Variants in SNX29 observed in about 807,000 individuals in gnomAD.
The protein encoded by SNX29 is sorting nexin-29.
Under a neutral mutation model 102.1 loss-of-function variants are expected in SNX29, and 78 were observed. That is an observed-to-expected ratio of 0.76 (90% CI 0.64 to 0.92). The LOEUF is 0.92. Among genes scored for constraint, SNX29 ranks in the 40% least tolerant of loss-of-function variants. The pLI, the probability that SNX29 is intolerant of heterozygous loss-of-function variation, is 0.00. For synonymous variants in SNX29, 580 were observed against 414.5 expected (o/e 1.40, Z -4.85); for missense variants, 1,280 against 1,061.7 (o/e 1.21, Z -2.86).
chr16:12,280,045 G>T (rs1208461076), intron 15 of SNX29, among the ~76,000 whole-genome samples: 4 of 152,186 alleles, frequency 2.6e-5, no homozygotes, highest in Non-Finnish European at 5.9e-5. Flanking sequence ...TAGGGGTGGG[G>T]TGGGGGTGTT....
intron 20 of SNX29, among the ~76,000 whole-genome samples, chr16:12,538,986 TAGAAC>T (rs1171686294): frequency 2.0e-5 from 3 of 152,154 alleles, no homozygotes; most frequent in Non-Finnish European, 2.9e-5. Flanking sequence ...AGGGAGAAGA[TAGAAC>T]AGACCAGTAA....
At chr16:12,566,076 C>T (rs1365507189) in intron 20 of SNX29, among the ~76,000 whole-genome samples, 2 of 152,224 alleles carry the variant, frequency 1.3e-5, no homozygotes, top group South Asian at 4.1e-4. Flanking sequence ...TCTCTAGGCA[C>T]TTGATCCCCA....
intron 20 of SNX29, among the ~76,000 whole-genome samples, chr16:12,555,913 T>G (rs907206239): frequency 1.3e-5 from 2 of 151,074 alleles, no homozygotes; most frequent in Admixed American, 6.6e-5. Flanking sequence ...CAAACCTTAT[T>G]TTTGCGTATG....
At chr16:12,439,009 T>A (rs2085671881) in intron 18 of SNX29, among the ~76,000 whole-genome samples, 1 of 152,194 alleles carries the variant, frequency 6.6e-6, no homozygotes, top group African/African-American at 2.4e-5. Flanking sequence ...ACCATTGTCT[T>A]CCATCGTGGT....
At chr16:12,081,009 A>T (rs1170800145) in intron 11 of SNX29, among the ~76,000 whole-genome samples, 1 of 152,206 alleles carries the variant, frequency 6.6e-6, no homozygotes, top group African/African-American at 2.4e-5. Flanking sequence ...GATGCACTTA[A>T]ACAAATTGAA....
At chr16:12,390,384 C>G (rs926707103) in intron 16 of SNX29, among the ~76,000 whole-genome samples, 4 of 152,128 alleles carry the variant, frequency 2.6e-5, no homozygotes, top group African/African-American at 9.7e-5. Flanking sequence ...GATGCCTCAT[C>G]CATCCCTGTC....
At chr16:12,368,632 T>G (rs2082572142) in intron 16 of SNX29, among the ~76,000 whole-genome samples, 1 of 152,226 alleles carries the variant, frequency 6.6e-6, no homozygotes, top group Admixed American at 6.5e-5. Flanking sequence ...GAGGTCCTGC[T>G]TGGATAATGC....
intron 13 of SNX29, among the ~76,000 whole-genome samples, chr16:12,147,530 G>C (rs2055114813): frequency 1.3e-5 from 2 of 152,194 alleles, no homozygotes. Context: ...GATACCAAAA[G>C]AGCCCAGGAA....
chr16:12,566,462 C>T (rs1013192669), intron 20 of SNX29, among the ~76,000 whole-genome samples: 2 of 152,220 alleles, frequency 1.3e-5, no homozygotes, highest in South Asian at 2.1e-4. Context: ...GGGCAGGGCT[C>T]ATCCTGGCTG....
Position 12,371,387 on chromosome 16 carries a change from C to G in SNX29, c.1899+15108C>G, listed in dbSNP as rs548342122. Among the ~76,000 whole-genome samples, 34 of 152,296 alleles carry G rather than the reference C, an allele frequency of 2.2e-4. No individual in the cohort carries two copies. The South Asian group carries it at 6.9e-3, about 31-fold the overall frequency. On this transcript the variant is annotated intron_variant, in intron 16 of 20. Transcript: ENST00000566228. ...ACTTATAGCTCACTGCAGCCTCAAA[C>G]TCCTGGGCTCAGCGATCCTTGCACT...
At chr16:12,047,017 G>A (rs1048084274) in intron 6 of SNX29, among the ~76,000 whole-genome samples, 7 of 152,318 alleles carry the variant, frequency 4.6e-5, no homozygotes, top group South Asian at 2.1e-4. Flanking sequence ...TATACATTGC[G>A]GGGAATTGGA....
intron 20 of SNX29, among the ~76,000 whole-genome samples, chr16:12,538,592 A>C (rs1161847983): frequency 6.6e-6 from 1 of 152,098 alleles, no homozygotes; most frequent in Non-Finnish European, 1.5e-5. Context: ...GTGTCTGGGA[A>C]TCAGTAGGTG....
chr16:12,240,690 C>T (rs76299937), intron 14 of SNX29, among the ~76,000 whole-genome samples: 7,858 of 146,542 alleles, frequency 0.054, 334 homozygotes, highest in East Asian at 0.2. Flanking sequence ...TCTGCCTCCT[C>T]CCAGGTTCAG....
At chr16:12,289,442 T>C (rs2079719152) in intron 15 of SNX29, among the ~76,000 whole-genome samples, 1 of 152,212 alleles carries the variant, frequency 6.6e-6, no homozygotes, top group Non-Finnish European at 1.5e-5. Flanking sequence ...TGCTGATCTT[T>C]TGATTTCTCT....
intron 18 of SNX29, among the ~76,000 whole-genome samples, chr16:12,428,058 G>T (rs1260375070): frequency 6.6e-6 from 1 of 152,168 alleles, no homozygotes; most frequent in Non-Finnish European, 1.5e-5. Flanking sequence ...GTAAGAGTAG[G>T]CCTTAGATTC....
At chr16:12,090,569 C>T (rs1567198014) in intron 11 of SNX29, among the ~76,000 whole-genome samples, 3 of 152,150 alleles carry the variant, frequency 2.0e-5, no homozygotes, top group African/African-American at 7.2e-5. Context: ...ACCCTAGTCC[C>T]GGGGTTTAGG....
intron 11 of SNX29, among the ~76,000 whole-genome samples, chr16:12,119,370 AAG>A (rs1193877330): frequency 2.0e-5 from 3 of 152,232 alleles, no homozygotes; most frequent in Non-Finnish European, 2.9e-5. Flanking sequence ...GCACATGAAC[AAG>A]AGAGAGAAAA....
chr16:12,141,042 C>G (rs934906321), intron 13 of SNX29, among the ~76,000 whole-genome samples: 3 of 152,210 alleles, frequency 2.0e-5, no homozygotes, highest in Non-Finnish European at 2.9e-5. Context: ...AGAAAACATG[C>G]TGACGCTAAG....
At chr16:12,527,389 G>A (rs1447149697) in intron 20 of SNX29, 9 of 491,646 alleles carry the variant, frequency 1.8e-5, no homozygotes, top group African/African-American at 3.9e-5. Context: ...TCCTGCCTAA[G>A]GAAATAAACC....
Sources: gnomAD v4.1 joint callset for allele counts (sites outside exome capture counted in the v4.1 genomes callset) on GRCh38, gnomAD v4.1.1 for gene constraint, MANE v1.5 for transcripts, NCBI Gene and HGNC (gene_info 2026-07-23, HGNC 2026-07-21) for gene names.